The following MEIKIN variants were observed in gnomAD, a reference collection of about 807,000 sequenced individuals.
The protein encoded by MEIKIN is meiosis-specific kinetochore protein.
intron 9 of MEIKIN, among the ~76,000 whole-genome samples, chr5:131,877,191 T>C (rs1373726405): frequency 6.6e-6 from 1 of 151,770 alleles, no homozygotes; most frequent in Non-Finnish European, 1.5e-5. Context: ...AATAAAAAGT[T>C]GAATTTTTTT....
intron 7 of MEIKIN, among the ~76,000 whole-genome samples, chr5:131,912,164 A>G (rs1751343643): frequency 6.6e-6 from 1 of 152,142 alleles, no homozygotes; most frequent in Admixed American, 6.6e-5. Context: ...CACTACTCAC[A>G]CTTGGGTGGC....
chr5:131,931,481 C>T (rs148272566), intron 5 of MEIKIN, among the ~76,000 whole-genome samples: 1 of 152,168 alleles, frequency 6.6e-6, no homozygotes, highest in Non-Finnish European at 1.5e-5. Flanking sequence ...CAGGCAAGAC[C>T]GAAATCAGTT....
chr5:131,893,029 A>C (rs1750960432), intron 8 of MEIKIN, among the ~76,000 whole-genome samples: 1 of 152,150 alleles, frequency 6.6e-6, no homozygotes, highest in South Asian at 2.1e-4. Context: ...GCAGAACAGC[A>C]GATATTGGTG....
chr5:131,910,293 T>C lies in MEIKIN; in HGVS notation c.703+1522A>G, dbSNP rs112364972. On this transcript the variant is annotated intron_variant, in intron 8 of 12. Transcript: ENST00000442687. ...ACAACATGAATGAAACTGAAGGTCA[T>C]TATGATAAGTGAAATAAACCAGGCA... is the stretch of plus-strand genomic sequence containing the variant. Among the ~76,000 whole-genome samples the C allele has an allele frequency of 6.3e-3, 957 of 152,262 alleles. 7 individuals are homozygous for C. The highest frequency in any genetic ancestry group is 0.022 in the African/African-American group (907 of 41,560).
chr5:131,858,327 G>C lies in MEIKIN; in HGVS notation c.775-3493C>G, dbSNP rs1750230926. 2.0e-5 allele frequency among the ~76,000 whole-genome samples: 3 copies of C among 152,298 alleles called. No individual in the cohort carries two copies. The Middle Eastern group carries it at 0.01, about 518-fold the overall frequency. On this transcript the variant is annotated intron_variant, in intron 9 of 12. Coordinates refer to ENST00000442687, the MANE Select transcript of MEIKIN (RefSeq NM_001303622.2). Reference sequence around the variant, plus strand: ...TCTTCGACAAAGCTGACAAAAACAAGCAATGGGGAAAGGACTGTTTTATTC... The same window carrying C: ...TCTTCGACAAAGCTGACAAAAACAACCAATGGGGAAAGGACTGTTTTATTC...
rs549666533 is a variant in MEIKIN at position 131,907,401 on chromosome 5, AC to A, written c.703+4413del. On this transcript the variant is annotated intron_variant, in intron 8 of 12. Coordinates refer to ENST00000442687, the MANE Select transcript of MEIKIN (RefSeq NM_001303622.2). The stretch of plus-strand genomic sequence containing the variant: ...AAAATTGGTTTCTTGTAAAAAAAAA[AC>A]TGACAAACCTGTAGCCAGACTAAGA... Among the ~76,000 whole-genome samples, 27 of 152,092 alleles carry A rather than the reference AC, an allele frequency of 1.8e-4. 2 individuals are homozygous for A. In the South Asian group the frequency reaches 5.6e-3, roughly 32 times the overall value.
At chr5:131,895,470 C>T (rs1288795962) in intron 8 of MEIKIN, among the ~76,000 whole-genome samples, 1 of 152,166 alleles carries the variant, frequency 6.6e-6, no homozygotes, top group Non-Finnish European at 1.5e-5. Context: ...ATGGTACCAG[C>T]TCCTCTTTGT....
At chr5:131,945,046 T>C (rs1324385975) in intron 2 of MEIKIN, 110 bp downstream of exon 2, 1 of 398,438 alleles carries the variant, frequency 2.5e-6, no homozygotes, top group Non-Finnish European at 4.4e-6. Flanking sequence ...CAGAGTACTG[T>C]ATTTGTTTTG....
intron 9 of MEIKIN, 193 bp downstream of exon 9, chr5:131,878,785 G>C: frequency 5.6e-6 from 2 of 357,332 alleles, no homozygotes; most frequent in Non-Finnish European, 9.9e-6. Flanking sequence ...TGAAACAGGA[G>C]AACAGCTTGA....
intron 8 of MEIKIN, among the ~76,000 whole-genome samples, chr5:131,885,387 G>A (rs865877598): frequency 6.7e-4 from 70 of 104,274 alleles, no homozygotes; most frequent in African/African-American, 2.1e-3. Flanking sequence ...GAGAGAGAGA[G>A]AGAGAGAGAG....
intron 9 of MEIKIN, among the ~76,000 whole-genome samples, chr5:131,867,582 A>G (rs1750407571): frequency 6.6e-6 from 1 of 152,178 alleles, no homozygotes; most frequent in Admixed American, 6.5e-5. Flanking sequence ...TATTGTCAAC[A>G]TAGTTTTGCT....
intron 8 of MEIKIN, among the ~76,000 whole-genome samples, chr5:131,906,634 G>A (rs1386904149): frequency 6.6e-6 from 1 of 152,096 alleles, no homozygotes; most frequent in African/African-American, 2.4e-5. Context: ...ATCAATGGTA[G>A]ACTAGAGAAA....
intron 9 of MEIKIN, among the ~76,000 whole-genome samples, chr5:131,877,141 T>C (rs959770932): frequency 1.3e-5 from 2 of 151,872 alleles, no homozygotes; most frequent in African/African-American, 4.8e-5. Flanking sequence ...CAAGTTAAAG[T>C]ATAATAATAA....
At chr5:131,830,763 G>T (rs1456313668) in intron 11 of MEIKIN, among the ~76,000 whole-genome samples, 2 of 152,286 alleles carry the variant, frequency 1.3e-5, no homozygotes, top group South Asian at 4.1e-4. Flanking sequence ...CTTCAATCTA[G>T]ACTGTGACAA....
At chr5:131,893,369 T>A (rs1322770340) in intron 8 of MEIKIN, among the ~76,000 whole-genome samples, 1 of 152,232 alleles carries the variant, frequency 6.6e-6, no homozygotes, top group Admixed American at 6.5e-5. Context: ...CAAGGCTCCA[T>A]GGGCGTAGGA....
At chr5:131,817,560 G>C (rs1773124343) in intron 12 of MEIKIN, among the ~76,000 whole-genome samples, 1 of 150,336 alleles carries the variant, frequency 6.7e-6, no homozygotes, top group Non-Finnish European at 1.5e-5. Flanking sequence ...AGCTTGCAGT[G>C]AACTGAGATT....
chr5:131,870,933 G>A (rs1031610760), intron 9 of MEIKIN, among the ~76,000 whole-genome samples: 27 of 152,016 alleles, frequency 1.8e-4, no homozygotes, highest in Non-Finnish European at 3.4e-4. Flanking sequence ...CTTTAGATCC[G>A]GAAAGACCTG....
intron 11 of MEIKIN, among the ~76,000 whole-genome samples, chr5:131,838,076 A>T (rs901661838): frequency 2.0e-5 from 3 of 152,092 alleles, no homozygotes; most frequent in Admixed American, 1.3e-4. Flanking sequence ...GTGGTGTTGA[A>T]TTTTATCAAA....
At chr5:131,835,760 A>AT (rs1244352468) in intron 11 of MEIKIN, among the ~76,000 whole-genome samples, 1 of 151,934 alleles carries the variant, frequency 6.6e-6, no homozygotes, top group Non-Finnish European at 1.5e-5. Flanking sequence ...GGCCTGGCTA[A>AT]TTTTTTGTAT....
Sources: allele counts gnomAD v4.1 joint callset (sites outside exome capture counted in the v4.1 genomes callset), GRCh38; gene constraint gnomAD v4.1.1; transcripts MANE v1.5; gene names NCBI Gene and HGNC (gene_info 2026-07-23, HGNC 2026-07-21).